ERN1: variants seen among roughly 807,000 people sequenced by gnomAD.
The protein encoded by ERN1 is serine/threonine-protein kinase/endoribonuclease IRE1.
In ERN1, 39 loss-of-function variants were observed where a neutral mutation model predicts 113.1. That is an observed-to-expected ratio of 0.34 (90% CI 0.27 to 0.45). The LOEUF (loss-of-function observed/expected upper bound fraction) is 0.45. ERN1 is among the 20% of genes least tolerant of loss of function. The pLI is 1.00. For synonymous variants in ERN1, 507 were observed against 515.9 expected (o/e 0.98, Z 0.23); for missense variants, 976 against 1,274.8 (o/e 0.77, Z 3.57).
intron 1 of ERN1, chr17:64,098,503 C>T: frequency 1.5e-6 from 1 of 659,060 alleles, no homozygotes; most frequent in East Asian, 3.2e-5. Context: ...AATCCATGGG[C>T]AACCTCCACT....
Position 64,043,951 on chromosome 17 carries a change from A to G in ERN1, c.*37T>C. The G allele has an allele frequency of 7.1e-7, 1 of 1,414,794 alleles. No individual in the cohort carries two copies. The highest frequency in any genetic ancestry group is 1.4e-5 in the African/African-American group (1 of 70,178). The allele number at this position is 1,414,794 out of a possible 1,614,324, so 87.6% of individuals were successfully genotyped here. On this transcript the variant is annotated 3_prime_UTR_variant, in exon 22 of 22. Transcript: ENST00000433197. The stretch of plus-strand genomic sequence containing the variant: ...AATTGTGGTGACCAGGCCCTCAGTC[A>G]CAGCTGGGGCCACCAGAACAGAGGG...
rs193093959 is a variant in ERN1 at position 64,043,909 on chromosome 17, G to A, written c.*79C>T. On this transcript the variant is annotated 3_prime_UTR_variant, in exon 22 of 22. Transcript: ENST00000433197. Reference sequence around the variant, plus strand: ...GGAAGCCTGGTCTCCCTGCAAAGCCGGGAGGCATCAAGCTCTAATTGTGGT... The same window carrying A: ...GGAAGCCTGGTCTCCCTGCAAAGCCAGGAGGCATCAAGCTCTAATTGTGGT... 15 of 996,464 alleles carry A rather than the reference G, an allele frequency of 1.5e-5. 1 individual carries two copies. The highest frequency in any genetic ancestry group is 1.1e-4 in the Admixed American group (5 of 43,746). The allele number at this position is 996,464 out of a possible 1,614,324, so 61.7% of individuals were successfully genotyped here.
chr17:64,055,206 G>A (rs1271132686), intron 13 of ERN1, among the ~76,000 whole-genome samples: 3 of 152,226 alleles, frequency 2.0e-5, no homozygotes, highest in Non-Finnish European at 4.4e-5. Context: ...AAGCATTCAG[G>A]TGGCGGCAAT....
chr17:64,115,082 G>A (rs1362773487), intron 1 of ERN1, among the ~76,000 whole-genome samples: 1 of 152,012 alleles, frequency 6.6e-6, no homozygotes, highest in Admixed American at 6.6e-5. Context: ...TCTTCCAGGC[G>A]CCCCATCTCC....
In ERN1 at chr17:64,054,243, A is replaced by G. The variant is rs748760967; in HGVS notation, c.1953+7T>C. On this transcript the variant is annotated splice_region_variant and intron_variant, in intron 15 of 21. Coordinates refer to ENST00000433197, the MANE Select transcript of ERN1 (RefSeq NM_001433.5). This position sits in a 1 kb window ranked among gnomAD's most constrained non-coding sequence, Gnocchi z 4.9. Reference sequence around the variant, plus strand: ...TAAAGTTAACAAAATAAAAAAAATAAATCCACCTCTTGCAGGGTGGCTGCA... The same window carrying G: ...TAAAGTTAACAAAATAAAAAAAATAGATCCACCTCTTGCAGGGTGGCTGCA... The G allele has an allele frequency of 1.9e-6, 3 of 1,600,136 alleles. No homozygotes were observed. The highest frequency in any genetic ancestry group is 2.6e-6 in the Non-Finnish European group (3 of 1,171,294).
At position 64,098,301 on chromosome 17, in the gene ERN1, A is replaced by G. The variant is rs765346941; in HGVS notation, c.55-60T>C. 3 of 1,596,554 alleles carry G rather than the reference A, an allele frequency of 1.9e-6. No individual in the cohort carries two copies. The South Asian group carries it at 3.3e-5, about 18-fold the overall frequency. ...ATGATTCTTCACCTTGGGCATGTAC[A>G]ATCACAGACCCCCCACTCCCAAGGT... On this transcript the variant is annotated intron_variant, in intron 1 of 21. Transcript: ENST00000433197.
chr17:64,095,645 G>T (rs576933248), intron 2 of ERN1, among the ~76,000 whole-genome samples: 1 of 151,954 alleles, frequency 6.6e-6, no homozygotes, highest in African/African-American at 2.4e-5. Flanking sequence ...ATCGAAAAGC[G>T]AGCACCTGTT....
rs58544303 is a variant in ERN1, at chr17:64,106,715, TACACACACAC to T, written c.55-8484_55-8475del. Among the ~76,000 whole-genome samples the T allele has an allele frequency of 3.1e-3, 318 of 103,432 alleles. 1 individual carries two copies. The highest frequency in any genetic ancestry group is 9.1e-3 in the African/African-American group (245 of 27,002). 67.9% of individuals were successfully genotyped at this position (103,432 alleles called of 152,430 possible). A position where few individuals can be genotyped will look rare whatever the true frequency, so the allele number is the denominator to read the frequency against. ...AGGACACCAGTCCTACAGGGTTTCT[TACACACACAC>T]ACACACACACACACACACACACACA... On this transcript the variant is annotated intron_variant, in intron 1 of 21. Coordinates refer to ENST00000433197, the MANE Select transcript of ERN1 (RefSeq NM_001433.5).
At chr17:64,122,733 C>T (rs1914984874) in intron 1 of ERN1, among the ~76,000 whole-genome samples, 1 of 152,122 alleles carries the variant, frequency 6.6e-6, no homozygotes, top group African/African-American at 2.4e-5. Context: ...TAAGCAAAGA[C>T]TGGAAGGAAT....
rs1438660353 is a variant in ERN1, at chr17:64,040,325, T to C, written c.*3663A>G. ...GAGGATCACAAGGCCAAGGATCCAA[T>C]GGGCACACCATGAGGACCCAAGGAA... is the stretch of plus-strand genomic sequence containing the variant. On this transcript the variant is annotated 3_prime_UTR_variant, in exon 22 of 22. Coordinates refer to ENST00000433197, the MANE Select transcript of ERN1 (RefSeq NM_001433.5). 6 of 151,988 alleles carry C rather than the reference T, an allele frequency of 3.9e-5. No individual in the cohort carries two copies. The highest frequency in any genetic ancestry group is 5.9e-5 in the Non-Finnish European group (4 of 68,046). The allele number at this position is 151,988 out of a possible 1,614,324, so 9.4% of individuals were successfully genotyped here. A position where few individuals can be genotyped will look rare whatever the true frequency, so the allele number is the denominator to read the frequency against.
chr17:64,117,566 A>G (rs1231965324), intron 1 of ERN1, among the ~76,000 whole-genome samples: 1 of 152,226 alleles, frequency 6.6e-6, no homozygotes, highest in Non-Finnish European at 1.5e-5. Flanking sequence ...GAGGACTATC[A>G]ACACCAGTCC....
rs768819877 is a variant in ERN1, at chr17:64,049,056, G to A, written c.2400C>T (p.His800=). ...AACCCCAACCCCTGGACCGCTCACC[G>A]TGCTTCTCTGGGTGCAAGCAGTCAA... ...CSLDCLHPEK[H]EDVIARELIE... is the part of the protein sequence containing the mutation. The change falls in exon 18 of 22, where the codon CAC becomes CAT. Residue 800 remains histidine (H), a splice_region_variant and synonymous_variant. Coordinates refer to ENST00000433197, the MANE Select transcript of ERN1 (RefSeq NM_001433.5). The surrounding 1 kb of genome is among the most constrained non-coding windows in gnomAD (Gnocchi z 4.7). 7 of 1,587,062 alleles carry A rather than the reference G, an allele frequency of 4.4e-6. No individual in the cohort carries two copies. The highest frequency in any genetic ancestry group is 1.8e-4 in the Middle Eastern group (1 of 5,468).
chr17:64,064,584 C>A (rs576194061), intron 9 of ERN1, among the ~76,000 whole-genome samples: 3 of 152,146 alleles, frequency 2.0e-5, no homozygotes, highest in Non-Finnish European at 4.4e-5. Context: ...CAGAAGCAGC[C>A]GCCCAAATCA....
intron 1 of ERN1, among the ~76,000 whole-genome samples, chr17:64,112,195 C>T (rs1178376535): frequency 6.6e-6 from 1 of 151,808 alleles, no homozygotes; most frequent in African/African-American, 2.4e-5. Flanking sequence ...TGGTAAAACC[C>T]CATCTCTATT....
chr17:64,043,738 C>A lies in ERN1; in HGVS notation c.*250G>T. The A allele has an allele frequency of 2.5e-6, 1 of 399,712 alleles. No homozygotes were observed. Among genetic ancestry groups the A allele is most frequent in the Non-Finnish European group, 4.4e-6 (1 of 225,570 alleles). The allele number at this position is 399,712 out of a possible 1,614,324, so 24.8% of individuals were successfully genotyped here. ...CTACTCGCGCTGTCTCTGAGGCCCTCCTTTGCAGACATCATGACCGTAAGG... is the reference window on the plus strand; with the variant it reads ...CTACTCGCGCTGTCTCTGAGGCCCTACTTTGCAGACATCATGACCGTAAGG... On this transcript the variant is annotated 3_prime_UTR_variant, in exon 22 of 22. Coordinates refer to ENST00000433197, the MANE Select transcript of ERN1 (RefSeq NM_001433.5).
Position 64,065,195 on chromosome 17 carries a change from C to G in ERN1, c.921+14G>C, listed in dbSNP as rs770047739. Reference sequence around the variant, plus strand: ...AGTGGTTAGGCAGCTGCGAGCCCTCCGTAGTGGACTTACCACGACAGCAAC... The same window carrying G: ...AGTGGTTAGGCAGCTGCGAGCCCTCGGTAGTGGACTTACCACGACAGCAAC... On this transcript the variant is annotated intron_variant, in intron 9 of 21. Transcript: ENST00000433197. 6.3e-7 allele frequency: 1 copy of G among 1,590,406 alleles called. No homozygotes were observed. Among genetic ancestry groups the G allele is most frequent in the Non-Finnish European group, 8.6e-7 (1 of 1,165,998 alleles).
intron 1 of ERN1, chr17:64,098,532 A>G: frequency 1.6e-6 from 1 of 613,250 alleles, no homozygotes; most frequent in Non-Finnish European, 3.1e-6. Flanking sequence ...GGGGCAAAGT[A>G]TGCTCAGCTT....
rs758927228 is a variant in ERN1, at chr17:64,046,660, C to T, written c.2530-1178G>A. On this transcript the variant is annotated intron_variant, in intron 19 of 21. Coordinates refer to ENST00000433197, the MANE Select transcript of ERN1 (RefSeq NM_001433.5). ...GGCAGGGACACAGTAGTGAATGCAG[C>T]AGTCAAGCACTCCTGTCCTCGAGGA... Among the ~76,000 whole-genome samples the T allele has an allele frequency of 2.0e-5, 3 of 152,344 alleles. No homozygotes were observed. The East Asian group carries it at 5.8e-4, about 29-fold the overall frequency.
intron 9 of ERN1, 66 bp from the exon 10 acceptor site, chr17:64,064,217 C>T: frequency 6.7e-7 from 1 of 1,497,800 alleles, no homozygotes; most frequent in South Asian, 1.3e-5. Flanking sequence ...GCACACCATC[C>T]CAGCCACTGT....
Sources: gnomAD v4.1 joint callset for allele counts (sites outside exome capture counted in the v4.1 genomes callset) on GRCh38, gnomAD v4.1.1 for gene constraint, Gnocchi (gnomAD v3.1) non-coding constraint, MANE v1.5 for transcripts, NCBI Gene and HGNC (gene_info 2026-07-23, HGNC 2026-07-21) for gene names.